Variants in RAP1GAP2 observed in about 807,000 individuals in gnomAD.
RAP1GAP2 encodes the protein rap1 GTPase-activating protein 2.
Under a neutral mutation model 95.0 loss-of-function variants are expected in RAP1GAP2, and 27 were observed. The observed-to-expected ratio is 0.28, with a 90% CI of 0.21 to 0.39. The LOEUF (loss-of-function observed/expected upper bound fraction) is 0.39, where lower values mean the gene tolerates loss of function less well. RAP1GAP2 is among the 10% of genes least tolerant of loss of function. The pLI is 1.00. For missense variants in RAP1GAP2, 771 were observed against 970.0 expected, an observed-to-expected ratio of 0.79 and a Z score of 2.72; for synonymous variants, 373 against 380.9, an observed-to-expected ratio of 0.98 and a Z score of 0.24.
chr17:2,778,522 CCT>C (rs536054752), intron 1 of RAP1GAP2, among the ~76,000 whole-genome samples: 103 of 152,176 alleles, frequency 6.8e-4, no homozygotes, highest in Admixed American at 1.0e-3. Context: ...CTCTCCTCAC[CCT>C]CTTTCCCATG....
intron 3 of RAP1GAP2, among the ~76,000 whole-genome samples, chr17:2,931,453 G>A (rs1280610015): frequency 6.6e-6 from 1 of 152,206 alleles, no homozygotes; most frequent in Non-Finnish European, 1.5e-5. Flanking sequence ...AGCCAGGACA[G>A]CGGGGCCGGG....
At chr17:2,901,498 C>G (rs1035677297) in intron 2 of RAP1GAP2, among the ~76,000 whole-genome samples, 1 of 151,986 alleles carries the variant, frequency 6.6e-6, no homozygotes, top group Non-Finnish European at 1.5e-5. Flanking sequence ...GGGGCTGGGT[C>G]GCTTGAGGGC....
At chr17:2,868,289 A>G (rs2072697633) in intron 2 of RAP1GAP2, among the ~76,000 whole-genome samples, 1 of 152,140 alleles carries the variant, frequency 6.6e-6, no homozygotes, top group South Asian at 2.1e-4. Flanking sequence ...GCCCAGAGGA[A>G]GTCTCAGAGG....
chr17:2,980,107 A>AT (rs953921754), intron 8 of RAP1GAP2, among the ~76,000 whole-genome samples, 180 bp from the exon 9 acceptor site: 8 of 151,280 alleles, frequency 5.3e-5, no homozygotes, highest in Admixed American at 2.0e-4. Context: ...CGTCTGGCTA[A>AT]TTTTTTTGTA....
At chr17:2,974,785 T>C (rs926855836) in intron 8 of RAP1GAP2, among the ~76,000 whole-genome samples, 21 of 150,722 alleles carry the variant, frequency 1.4e-4, no homozygotes, top group African/African-American at 4.6e-4. Flanking sequence ...TATTGGAAGA[T>C]ACAGAAATAC....
At chr17:2,780,289 G>C (rs1157371403) in intron 1 of RAP1GAP2, among the ~76,000 whole-genome samples, 1 of 152,214 alleles carries the variant, frequency 6.6e-6, no homozygotes, top group Non-Finnish European at 1.5e-5. Context: ...GACCTCAGGT[G>C]ATCCGCCCGC....
intron 1 of RAP1GAP2, among the ~76,000 whole-genome samples, chr17:2,786,842 T>G (rs1173907686): frequency 1.4e-4 from 21 of 151,912 alleles, no homozygotes; most frequent in Non-Finnish European, 2.5e-4. Context: ...AGACGGGGTT[T>G]CACCATCTTG....
rs1249271036 is a variant in RAP1GAP2 at position 3,004,361 on chromosome 17, C to G, written c.1201-1008C>G. The stretch of plus-strand genomic sequence containing the variant: ...ACTCTGGCAGGGCCTTTCCTTGGCT[C>G]GGTGCCCAGCTGCCTGCTCACCCGG... On this transcript the variant is annotated intron_variant, in intron 14 of 24. Coordinates refer to ENST00000254695, the MANE Select transcript of RAP1GAP2 (RefSeq NM_015085.5). This position sits in a 1 kb window ranked among gnomAD's most constrained non-coding sequence, Gnocchi z 4.1. 6.6e-6 allele frequency among the ~76,000 whole-genome samples: 1 copy of G among 152,170 alleles called. No homozygotes were observed. Among genetic ancestry groups the G allele is most frequent in the Non-Finnish European group, 1.5e-5 (1 of 68,028 alleles).
chr17:2,808,502 G>C (rs2069617789), intron 2 of RAP1GAP2, among the ~76,000 whole-genome samples: 1 of 152,208 alleles, frequency 6.6e-6, no homozygotes. Context: ...GGGGGCAGAG[G>C]AGAGAGCAGC....
intron 8 of RAP1GAP2, among the ~76,000 whole-genome samples, chr17:2,977,104 C>T (rs1373910622): frequency 1.8e-5 from 2 of 109,694 alleles, no homozygotes; most frequent in East Asian, 2.4e-4. Context: ...GCCTGGGCAA[C>T]AAGAATGAAA....
chr17:2,976,020 T>G (rs2151522239), intron 8 of RAP1GAP2, among the ~76,000 whole-genome samples: 1 of 152,354 alleles, frequency 6.6e-6, no homozygotes, highest in Non-Finnish European at 1.5e-5. Context: ...GTGAACACGC[T>G]CTGTTCACCC....
intron 4 of RAP1GAP2, chr17:2,962,458 C>T: frequency 1.9e-6 from 1 of 532,174 alleles, no homozygotes; most frequent in Admixed American, 4.2e-5. Context: ...CGATCTGGCT[C>T]AAGTCTATGC....
chr17:2,780,520 G>A (rs2068620954), intron 1 of RAP1GAP2, among the ~76,000 whole-genome samples: 1 of 152,230 alleles, frequency 6.6e-6, no homozygotes, highest in Non-Finnish European at 1.5e-5. Context: ...GGTGGGCCTT[G>A]TCTGCCTACC....
intron 3 of RAP1GAP2, among the ~76,000 whole-genome samples, chr17:2,956,922 T>G (rs537831714): frequency 6.6e-6 from 1 of 151,756 alleles, no homozygotes; most frequent in Non-Finnish European, 1.5e-5. Flanking sequence ...AGGTCAGGAG[T>G]TCGAGACCAT....
rs566443212 is a variant in RAP1GAP2, at chr17:2,866,941, C to G, written c.81-38343C>G. On this transcript the variant is annotated intron_variant, in intron 2 of 24. Coordinates refer to ENST00000254695, the MANE Select transcript of RAP1GAP2 (RefSeq NM_015085.5). The surrounding 1 kb of genome is among the most constrained non-coding windows in gnomAD (Gnocchi z 4.0). ...TTAGAGATGGAGTCTCACTCTGTCA[C>G]CCAGGCTGGAGTGCAGTGGTACAAT... is the stretch of plus-strand genomic sequence containing the variant. Among the ~76,000 whole-genome samples the G allele has an allele frequency of 7.3e-6, 1 of 137,236 alleles. No homozygotes were observed. The highest frequency in any genetic ancestry group is 2.7e-5 in the African/African-American group (1 of 36,448). The allele number at this position is 137,236 out of a possible 152,430, so 90.0% of individuals were successfully genotyped here.
chr17:2,929,211 C>T (rs1272872118), intron 3 of RAP1GAP2, among the ~76,000 whole-genome samples: 7 of 152,168 alleles, frequency 4.6e-5, no homozygotes, highest in East Asian at 1.9e-4. Context: ...CCAGCCTGGG[C>T]GACAGAGTGA....
chr17:2,959,674 A>G (rs985508506), intron 4 of RAP1GAP2, among the ~76,000 whole-genome samples: 2 of 152,204 alleles, frequency 1.3e-5, no homozygotes, highest in African/African-American at 4.8e-5. Flanking sequence ...TACCTAGCCC[A>G]AGAGTCTGGG....
Position 2,771,479 on chromosome 17 carries a change from C to CTTTTTTGTTTTTTT in RAP1GAP2, c.167+1040_167+1053dup, listed in dbSNP as rs1567636203. Among the ~76,000 whole-genome samples the CTTTTTTGTTTTTTT allele has an allele frequency of 1.8e-4, 24 of 131,784 alleles. 1 individual carries two copies. Among genetic ancestry groups the CTTTTTTGTTTTTTT allele is most frequent in the Non-Finnish European group, 3.3e-4 (21 of 62,736 alleles). The allele number at this position is 131,784 out of a possible 152,430, so 86.5% of individuals were successfully genotyped here. A position where few individuals can be genotyped will look rare whatever the true frequency, so the allele number is the denominator to read the frequency against. ...CTTTCCACTTTCCCCATCAAAGCCA[C>CTTTTTTGTTTTTTT]TTTTTTGTTTTTTTTTTTTGTTTTT... On this transcript the variant is annotated intron_variant, in intron 2 of 25. Coordinates refer to the RAP1GAP2 transcript ENST00000637138.
chr17:3,009,074 G>T (rs1205139090), intron 17 of RAP1GAP2, among the ~76,000 whole-genome samples: 2 of 152,174 alleles, frequency 1.3e-5, no homozygotes, highest in African/African-American at 4.8e-5. Context: ...GGGGAATTAT[G>T]TGTAGGGCTA....
Sources: allele counts gnomAD v4.1 joint callset (sites outside exome capture counted in the v4.1 genomes callset), GRCh38; gene constraint gnomAD v4.1.1; non-coding constraint Gnocchi (gnomAD v3.1); transcripts MANE v1.5; gene names NCBI Gene and HGNC (gene_info 2026-07-23, HGNC 2026-07-21).